Variants in SRGAP3 observed in about 807,000 individuals in gnomAD.
The protein encoded by SRGAP3 is SLIT-ROBO Rho GTPase-activating protein 3.
Under a neutral mutation model 121.1 loss-of-function variants are expected in SRGAP3, and 39 were observed. The observed-to-expected ratio is 0.32, with a 90% confidence interval of 0.25 to 0.42. SRGAP3 has a LOEUF of 0.42. SRGAP3 is among the 10% of genes least tolerant of loss of function. The probability of loss-of-function intolerance (pLI) is 1.00; values close to 1 mark genes in which losing one functional copy is unlikely to be tolerated. For missense variants in SRGAP3, 1,213 were observed against 1,470.6 expected, an observed-to-expected ratio of 0.82 and a Z score of 2.86; for synonymous variants, 601 against 570.0, an observed-to-expected ratio of 1.05 and a Z score of -0.77.
chr3:9,031,777 T>G (rs1300365356), intron 12 of SRGAP3, among the ~76,000 whole-genome samples: 2 of 152,222 alleles, frequency 1.3e-5, no homozygotes, highest in Admixed American at 1.3e-4. Context: ...TTCTCCTGAT[T>G]GATATCTATC....
intron 3 of SRGAP3, among the ~76,000 whole-genome samples, chr3:9,289,043 T>C (rs1413232311): frequency 6.6e-6 from 1 of 152,168 alleles, no homozygotes; most frequent in Non-Finnish European, 1.5e-5. Context: ...ACTACAGGCA[T>C]GCGCCATCAA....
upstream of SRGAP3, among the ~76,000 whole-genome samples, chr3:9,251,817 G>A (rs554965192): frequency 2.6e-5 from 4 of 152,248 alleles, no homozygotes; most frequent in South Asian, 8.3e-4. Flanking sequence ...AAGTCAGATG[G>A]TGGTTTACCT....
chr3:9,179,091 C>T (rs189712079), intron 1 of SRGAP3, among the ~76,000 whole-genome samples: 1 of 152,360 alleles, frequency 6.6e-6, no homozygotes, highest in East Asian at 1.9e-4. Context: ...CTTCAGGACA[C>T]CATACACCAA....
intron 3 of SRGAP3, among the ~76,000 whole-genome samples, chr3:9,081,582 T>G (rs1947247344): frequency 6.6e-6 from 1 of 152,200 alleles, no homozygotes; most frequent in East Asian, 1.9e-4. Flanking sequence ...TGAACAAAGG[T>G]AGACAAGTTT....
chr3:9,058,793 C>T (rs1291566970), intron 6 of SRGAP3: 2 of 319,822 alleles, frequency 6.3e-6, no homozygotes, highest in Non-Finnish European at 1.2e-5. Context: ...GATCTCGGCT[C>T]ACTGCTACCT....
chr3:9,164,037 G>A (rs1174018519), intron 1 of SRGAP3, among the ~76,000 whole-genome samples: 1 of 90,792 alleles, frequency 1.1e-5, no homozygotes, highest in African/African-American at 4.5e-5. Flanking sequence ...CACTCTTGTT[G>A]CCCAGGCTGG....
chr3:9,170,969 C>G (rs758225974), intron 1 of SRGAP3, among the ~76,000 whole-genome samples: 1 of 152,246 alleles, frequency 6.6e-6, no homozygotes, highest in African/African-American at 2.4e-5. Context: ...TTCTGTCCCT[C>G]AGCAGCAGGA....
Position 9,346,631 on chromosome 3 carries a change from G to C in SRGAP3, n.215-16035C>G, listed in dbSNP as rs940307524. ...TCCAAATCTCCCCACCCTGAGTCTA[G>C]GTTTGTTTCCTAGATTTACTACATT... is the stretch of plus-strand genomic sequence containing the variant. On this transcript the variant is annotated intron_variant and non_coding_transcript_variant, in intron 1 of 3. Transcript: ENST00000490889. Among the ~76,000 whole-genome samples the C allele has an allele frequency of 2.6e-5, 4 of 152,120 alleles. No homozygotes were observed. In the East Asian group the frequency reaches 7.7e-4, roughly 29 times the overall value.
At chr3:9,314,658 C>A (rs1955313866) in intron 3 of SRGAP3, among the ~76,000 whole-genome samples, 1 of 151,788 alleles carries the variant, frequency 6.6e-6, no homozygotes, top group African/African-American at 2.4e-5. Flanking sequence ...CCACCCTGCC[C>A]TCCTCTCTCC....
At chr3:9,076,385 G>A (rs9846342) in intron 4 of SRGAP3, among the ~76,000 whole-genome samples, 17,173 of 152,110 alleles carry the variant, frequency 0.11, 1,313 homozygotes, top group African/African-American at 0.22. Flanking sequence ...CTAATACAGA[G>A]TGAGATGCAT....
At chr3:9,099,273 C>A (rs912874345) in intron 3 of SRGAP3, among the ~76,000 whole-genome samples, 25 of 152,062 alleles carry the variant, frequency 1.6e-4, no homozygotes, top group Admixed American at 1.6e-3. Flanking sequence ...GGCCTCGCTT[C>A]TCTGCAAAGA....
chr3:9,023,716 A>T (rs1034861687), intron 14 of SRGAP3, among the ~76,000 whole-genome samples: 1 of 152,188 alleles, frequency 6.6e-6, no homozygotes, highest in Admixed American at 6.5e-5. Flanking sequence ...TATAGGGCTC[A>T]GTGCATGCTT....
chr3:9,276,141 A>C (rs1954571779), intron 3 of SRGAP3, among the ~76,000 whole-genome samples: 1 of 152,206 alleles, frequency 6.6e-6, no homozygotes, highest in Non-Finnish European at 1.5e-5. Context: ...TCAATGTCAA[A>C]ACACAGATGC....
Position 9,032,739 on chromosome 3 carries a change from G to A in SRGAP3, c.1450C>T (p.Pro484Ser). The change falls in exon 12 of 22, where the codon CCC becomes TCC. Residue 484 changes from proline (P) to serine (S), a missense_variant. Physicochemically the swap from Pro to Ser is moderately conservative, Grantham distance 74. Transcript: ENST00000383836. ...CTCCTCATTTTCTGTGGTTTAGGGGGAAGACAGGGGGGCCTAGGGGAAAAC... is the reference window on the plus strand; with the variant it reads ...CTCCTCATTTTCTGTGGTTTAGGGGAAAGACAGGGGGGCCTAGGGGAAAAC... ...ECGTTRPPCL[P>S]PKPQKMRRPR... 4.3e-6 allele frequency: 7 copies of A among 1,611,204 alleles called. No homozygotes were observed. Among genetic ancestry groups the A allele is most frequent in the Non-Finnish European group, 4.2e-6 (5 of 1,178,742 alleles).
intron 1 of SRGAP3, among the ~76,000 whole-genome samples, chr3:9,135,792 C>T (rs943219174): frequency 6.6e-6 from 1 of 152,242 alleles, no homozygotes; most frequent in Admixed American, 6.5e-5. Flanking sequence ...CTCACAAGCT[C>T]ACAAGTTCTG....
chr3:9,207,489 A>G (rs1263130332), intron 1 of SRGAP3, among the ~76,000 whole-genome samples: 1 of 152,214 alleles, frequency 6.6e-6, no homozygotes, highest in Non-Finnish European at 1.5e-5. Context: ...TGTATTATAG[A>G]TTGGGCTCCC....
chr3:9,348,535 C>A, intron 1 of SRGAP3: 1 of 761,090 alleles, frequency 1.3e-6, no homozygotes. Context: ...CCGACCTGAG[C>A]CCAGCGGGCC....
chr3:9,013,655 G>A, intron 16 of SRGAP3, 82 bp downstream of exon 16: 1 of 1,565,432 alleles, frequency 6.4e-7, no homozygotes, highest in East Asian at 2.2e-5. Flanking sequence ...TTTAAAAACA[G>A]CATCTGCAAA....
At chr3:9,217,109 A>C (rs544736332) in intron 1 of SRGAP3, 8 of 152,174 alleles carry the variant, frequency 5.3e-5, no homozygotes, top group African/African-American at 1.9e-4. Context: ...AACATTATCA[A>C]TGTATTTAAC....
Sources: allele counts gnomAD v4.1 joint callset (sites outside exome capture counted in the v4.1 genomes callset), GRCh38; gene constraint gnomAD v4.1.1; transcripts MANE v1.5; gene names NCBI Gene and HGNC (gene_info 2026-07-23, HGNC 2026-07-21).